EXOC6: variants seen among roughly 807,000 people sequenced by gnomAD.
The protein encoded by EXOC6 is exocyst complex component 6.
Under a neutral mutation model 112.5 loss-of-function variants are expected in EXOC6, and 60 were observed. That is an observed-to-expected ratio of 0.53 (90% CI 0.43 to 0.66). EXOC6 has a LOEUF of 0.66. Ranked by LOEUF, EXOC6 falls within the 30% of genes least tolerant of loss-of-function variation. The pLI, the probability that EXOC6 is intolerant of heterozygous loss-of-function variation, is 0.00. For missense variants in EXOC6, 855 were observed against 957.1 expected, an observed-to-expected ratio of 0.89 and a Z score of 1.41; for synonymous variants, 295 against 308.0, an observed-to-expected ratio of 0.96 and a Z score of 0.44.
At chr10:93,038,569 G>T (rs1026042691) in intron 20 of EXOC6, among the ~76,000 whole-genome samples, 2 of 152,098 alleles carry the variant, frequency 1.3e-5, no homozygotes, top group African/African-American at 4.8e-5. Flanking sequence ...TGAATGAGAC[G>T]TATATATACA....
chr10:92,887,783 C>G (rs1398924802), intron 1 of EXOC6, among the ~76,000 whole-genome samples: 1 of 152,174 alleles, frequency 6.6e-6, no homozygotes, highest in African/African-American at 2.4e-5. Flanking sequence ...GATCTAGGAA[C>G]TTTCTAGGCT....
chr10:92,971,959 G>A (rs1430346069), intron 17 of EXOC6, among the ~76,000 whole-genome samples: 2 of 152,128 alleles, frequency 1.3e-5, no homozygotes, highest in Non-Finnish European at 2.9e-5. Context: ...TCTCCCATCT[G>A]TTGTTTGTTT....
intron 9 of EXOC6, among the ~76,000 whole-genome samples, chr10:92,930,788 C>T (rs1308630494): frequency 1.3e-5 from 2 of 151,836 alleles, no homozygotes; most frequent in African/African-American, 4.8e-5. Flanking sequence ...ATGATTTGAA[C>T]ATCAAAATCT....
chr10:92,916,240 G>A (rs1851079153), intron 7 of EXOC6, among the ~76,000 whole-genome samples: 1 of 152,224 alleles, frequency 6.6e-6, no homozygotes, highest in Non-Finnish European at 1.5e-5. Flanking sequence ...GCCAGGCACA[G>A]TGGCTCACAC....
At chr10:92,896,430 CA>C in intron 4 of EXOC6, among the ~76,000 whole-genome samples, 2 of 149,526 alleles carry the variant, frequency 1.3e-5, no homozygotes, top group Non-Finnish European at 3.0e-5. Flanking sequence ...CTTCTGGCCT[CA>C]AATGATCTGC....
Position 92,974,169 on chromosome 10 carries a change from T to C in EXOC6, c.1890T>C (p.Ser630=). 1 of 1,599,166 alleles carries C rather than the reference T, an allele frequency of 6.3e-7. No homozygotes were observed. The highest frequency in any genetic ancestry group is 8.5e-7 in the Non-Finnish European group (1 of 1,176,810). Residue 630 remains serine, a synonymous_variant, in exon 18 of 22, where the codon AGT becomes AGC. Coordinates refer to ENST00000260762, the MANE Select transcript of EXOC6 (RefSeq NM_019053.6). The part of the protein sequence containing the change: ...WTMSEPDGRA[S]GYLMDLINFL... ...TGTCTGAGCCAGATGGAAGAGCTAG[T>C]GGTTATTTAATGGACCTTATAAATT...
chr10:92,865,488 G>A (rs954279672), intron 1 of EXOC6, among the ~76,000 whole-genome samples: 1 of 151,808 alleles, frequency 6.6e-6, no homozygotes, highest in African/African-American at 2.4e-5. Flanking sequence ...AGTGAGCCAA[G>A]ATTGCGCCAC....
intron 18 of EXOC6, among the ~76,000 whole-genome samples, chr10:92,978,333 G>A (rs746103390): frequency 1.3e-5 from 2 of 152,050 alleles, no homozygotes; most frequent in South Asian, 2.1e-4. Context: ...TGGCTTGAGC[G>A]TGGGAGGTGC....
chr10:92,914,711 T>C (rs1323205039), intron 6 of EXOC6, among the ~76,000 whole-genome samples: 4 of 152,150 alleles, frequency 2.6e-5, no homozygotes, highest in African/African-American at 9.7e-5. Flanking sequence ...TTACTGCAAC[T>C]TGCATGGTCT....
intron 21 of EXOC6, among the ~76,000 whole-genome samples, chr10:93,057,348 T>G (rs1846596501): frequency 6.6e-6 from 1 of 151,930 alleles, no homozygotes; most frequent in Non-Finnish European, 1.5e-5. Flanking sequence ...AAAAAAAAAG[T>G]CTATAACTCA....
At chr10:93,004,334 T>G (rs1843885572) in intron 19 of EXOC6, among the ~76,000 whole-genome samples, 1 of 152,230 alleles carries the variant, frequency 6.6e-6, no homozygotes, top group African/African-American at 2.4e-5. Context: ...GTTTGTTTAT[T>G]GACTAAATTA....
upstream of EXOC6, chr10:92,834,618 G>A: frequency 1.3e-6 from 1 of 765,996 alleles, no homozygotes; most frequent in South Asian, 2.3e-5. Context: ...TGCTCCTTTG[G>A]GTGAACAGAG....
intron 4 of EXOC6, among the ~76,000 whole-genome samples, chr10:92,897,579 C>T (rs1849893699): frequency 1.3e-5 from 2 of 152,188 alleles, no homozygotes; most frequent in Admixed American, 6.5e-5. Context: ...CTACATACTC[C>T]CTCACAATTT....
intron 20 of EXOC6, among the ~76,000 whole-genome samples, chr10:93,039,508 T>C (rs1325653110): frequency 6.6e-6 from 1 of 152,170 alleles, no homozygotes; most frequent in Non-Finnish European, 1.5e-5. Flanking sequence ...GCTCCAGATA[T>C]CTGGACATTC....
At chr10:92,947,839 G>T (rs1032508188) in intron 13 of EXOC6, among the ~76,000 whole-genome samples, 2 of 151,734 alleles carry the variant, frequency 1.3e-5, no homozygotes, top group African/African-American at 4.8e-5. Context: ...GGGAGATGGA[G>T]GTTGCAGTGA....
intron 1 of EXOC6, among the ~76,000 whole-genome samples, chr10:92,890,266 G>A (rs1849433972): frequency 6.6e-6 from 1 of 151,998 alleles, no homozygotes; most frequent in Non-Finnish European, 1.5e-5. Context: ...AATTCTACTT[G>A]TTCATTGCTG....
intron 18 of EXOC6, among the ~76,000 whole-genome samples, chr10:92,975,223 G>C (rs1003900912): frequency 2.7e-5 from 4 of 148,388 alleles, no homozygotes; most frequent in Non-Finnish European, 6.0e-5. Flanking sequence ...CCGCCACCCC[G>C]TCTGGGATGT....
intron 17 of EXOC6, among the ~76,000 whole-genome samples, chr10:92,971,659 C>T (rs551707556): frequency 9.9e-5 from 15 of 152,258 alleles, no homozygotes; most frequent in South Asian, 8.3e-4. Context: ...GGATTACACG[C>T]GTCACTTATT....
chr10:92,831,503 G>A (rs979121639), upstream of EXOC6: 5 of 341,092 alleles, frequency 1.5e-5, no homozygotes, highest in East Asian at 2.1e-4. Flanking sequence ...GCGTGATCTC[G>A]GCTCACTGCA....
Sources: allele counts gnomAD v4.1 joint callset (sites outside exome capture counted in the v4.1 genomes callset), GRCh38; gene constraint gnomAD v4.1.1; transcripts MANE v1.5; gene names NCBI Gene and HGNC (gene_info 2026-07-23, HGNC 2026-07-21).